The following TGIF1 variants were observed in gnomAD, a reference collection of about 807,000 sequenced individuals.
TGIF1 encodes the protein homeobox protein TGIF1.
TGIF1 carries 4 observed loss-of-function variants against 19.3 expected under a neutral mutation model. The observed-to-expected ratio is 0.21, with a 90% CI of 0.10 to 0.47. The LOEUF (loss-of-function observed/expected upper bound fraction) is 0.47. Among genes scored for constraint, TGIF1 ranks in the 20% least tolerant of loss-of-function variants. The pLI, the probability that TGIF1 is intolerant of heterozygous loss-of-function variation, is 0.98. For missense variants in TGIF1, 275 were observed against 341.4 expected, an observed-to-expected ratio of 0.81 and a Z score of 1.53; for synonymous variants, 122 against 129.3, an observed-to-expected ratio of 0.94 and a Z score of 0.38.
intron 2 of TGIF1, among the ~76,000 whole-genome samples, chr18:3,442,796 A>C (rs1474342405): frequency 6.6e-6 from 1 of 152,206 alleles, no homozygotes; most frequent in Non-Finnish European, 1.5e-5. Context: ...AAAATGACTA[A>C]TACATACACA....
At chr18:3,436,529 C>T (rs1255002742) in intron 2 of TGIF1, among the ~76,000 whole-genome samples, 1 of 152,160 alleles carries the variant, frequency 6.6e-6, no homozygotes, top group Non-Finnish European at 1.5e-5. Flanking sequence ...AAAAGAAGCC[C>T]TGAATGTAGC....
intron 2 of TGIF1, chr18:3,418,965 G>A (rs1284188938): frequency 1.3e-5 from 2 of 152,218 alleles, no homozygotes; most frequent in African/African-American, 4.8e-5. Context: ...GGCTGAGGCA[G>A]GAGAATCTCT....
Position 3,451,883 on chromosome 18 carries a change from C to T in TGIF1, c.16+1378C>T. 1.4e-6 allele frequency: 2 copies of T among 1,444,902 alleles called. No homozygotes were observed. Among genetic ancestry groups the T allele is most frequent in the Non-Finnish European group, 1.8e-6 (2 of 1,098,762 alleles). 89.5% of individuals were successfully genotyped at this position (1,444,902 alleles called of 1,614,324 possible). ...GGGCGTCCGAGACGCCCCGTGAAAGCCGTGCCGACCCTTGGGAGGACTGAC... is the reference window on the plus strand; with the variant it reads ...GGGCGTCCGAGACGCCCCGTGAAAGTCGTGCCGACCCTTGGGAGGACTGAC... On this transcript the variant is annotated intron_variant, in intron 1 of 2. Transcript: ENST00000343820. This position sits in a 1 kb window ranked among gnomAD's most constrained non-coding sequence, Gnocchi z 5.4.
At chr18:3,452,370 G>A (rs201233231) in intron 1 of TGIF1, 2 of 1,613,320 alleles carry the variant, frequency 1.2e-6, no homozygotes, top group Non-Finnish European at 1.7e-6. Context: ...CCGACTCCTG[G>A]AAACAATGAA....
intron 2 of TGIF1, among the ~76,000 whole-genome samples, chr18:3,423,660 A>G (rs1047073009): frequency 6.6e-6 from 1 of 151,840 alleles, no homozygotes; most frequent in Non-Finnish European, 1.5e-5. Context: ...TCCAGCCTGC[A>G]CAACAGAGCG....
At chr18:3,417,636 A>G (rs931115072) in intron 1 of TGIF1, among the ~76,000 whole-genome samples, 2 of 152,218 alleles carry the variant, frequency 1.3e-5, no homozygotes, top group Non-Finnish European at 2.9e-5. Context: ...AAATTTAGCT[A>G]CCTATTCGTG....
chr18:3,416,295 G>A (rs1160312273), intron 1 of TGIF1, among the ~76,000 whole-genome samples: 1 of 151,674 alleles, frequency 6.6e-6, no homozygotes, highest in African/African-American at 2.4e-5. Context: ...CAAGGTAGGT[G>A]GATTGCCTGA....
At chr18:3,450,677 C>T (rs1048877693) in intron 1 of TGIF1, among the ~76,000 whole-genome samples, 172 bp downstream of exon 1, 1 of 152,286 alleles carries the variant, frequency 6.6e-6, no homozygotes, top group South Asian at 2.1e-4. Context: ...CGGCTGTTTT[C>T]CTGCTAGACA....
At chr18:3,422,969 G>A (rs577005954) in intron 2 of TGIF1, among the ~76,000 whole-genome samples, 3 of 152,052 alleles carry the variant, frequency 2.0e-5, no homozygotes, top group Non-Finnish European at 2.9e-5. Context: ...GATTGTAGGC[G>A]TGAGCCACCG....
In TGIF1 at chr18:3,456,360, T is replaced by C. The variant is rs1280128349; in HGVS notation, c.23T>C (p.Val8Ala). The C allele has an allele frequency of 6.2e-7, 1 of 1,614,202 alleles. No homozygotes were observed. Among genetic ancestry groups the C allele is most frequent in the South Asian group, 1.1e-5 (1 of 91,084 alleles). ...GGCCCTTGTCCTTTCCTAGGTATTG[T>C]TGCAGCATCTGGCAGTGAGACTGAG... MKGKKGI[V>A]AASGSETEDE... The change falls in exon 2 of 3, where the codon GTT becomes GCT. Residue 8 changes from valine (V) to alanine (A), a missense_variant. By Grantham distance (64) the Val-to-Ala change is moderately conservative (BLOSUM62 0). Transcript: ENST00000343820. This position sits in a 1 kb window ranked among gnomAD's most constrained non-coding sequence, Gnocchi z 4.2.
Position 3,459,454 on chromosome 18 carries a change from A to G in TGIF1, c.*1514A>G, listed in dbSNP as rs1432055912. The G allele has an allele frequency of 3.3e-5, 5 of 152,334 alleles. No individual in the cohort carries two copies. Among genetic ancestry groups the G allele is most frequent in the Admixed American group, 2.0e-4 (3 of 15,298 alleles). 9.4% of individuals were successfully genotyped at this position (152,334 alleles called of 1,614,324 possible). A position where few individuals can be genotyped will look rare whatever the true frequency, so the allele number is the denominator to read the frequency against. On this transcript the variant is annotated 3_prime_UTR_variant, in exon 3 of 3. Transcript: ENST00000343820. ...TGTGGGGTGCAGCTTCGTAGGGCAC[A>G]TCAGCTTAGAATGGTCTGGCCTCAC...
intron 1 of TGIF1, among the ~76,000 whole-genome samples, chr18:3,452,678 T>C (rs890306616): frequency 6.6e-6 from 1 of 152,118 alleles, no homozygotes; most frequent in Non-Finnish European, 1.5e-5. Context: ...CCTCTCCCCG[T>C]GCTCCTCCGC....
chr18:3,450,768 G>A (rs1436509515), intron 1 of TGIF1, among the ~76,000 whole-genome samples: 2 of 152,332 alleles, frequency 1.3e-5, no homozygotes, highest in Non-Finnish European at 2.9e-5. Flanking sequence ...CCTTGTTTGT[G>A]CGCCTGCAAG....
In TGIF1 at chr18:3,456,873, A is replaced by G. The variant is rs1261736518; in HGVS notation, c.243+293A>G. 12 of 603,730 alleles carry G rather than the reference A, an allele frequency of 2.0e-5. No homozygotes were observed. In the East Asian group the frequency reaches 2.7e-4, roughly 14 times the overall value. 37.4% of individuals were successfully genotyped at this position (603,730 alleles called of 1,614,324 possible). On this transcript the variant is annotated intron_variant, in intron 2 of 2. Coordinates refer to ENST00000343820, the MANE Select transcript of TGIF1 (RefSeq NM_003244.4). The surrounding 1 kb of genome is among the most constrained non-coding windows in gnomAD (Gnocchi z 4.2). Reference sequence around the variant, plus strand: ...CTCTATTGTCCAGGAAACTGGTTTGATATTTAAACAAGGACGACTTCAGTG... The same window carrying G: ...CTCTATTGTCCAGGAAACTGGTTTGGTATTTAAACAAGGACGACTTCAGTG...
chr18:3,437,807 G>C (rs1168859492), intron 2 of TGIF1, among the ~76,000 whole-genome samples: 3 of 152,184 alleles, frequency 2.0e-5, no homozygotes, highest in Non-Finnish European at 4.4e-5. Flanking sequence ...CAAGTGGCCG[G>C]GCACGGTGGC....
upstream of TGIF1, chr18:3,449,413 AG>A: frequency 1.0e-6 from 1 of 985,366 alleles, no homozygotes; most frequent in African/African-American, 1.7e-5. Flanking sequence ...ACGTTTAAAG[AG>A]CATGTGAGCG....
Position 3,458,432 on chromosome 18 carries a change from T to G in TGIF1, c.*492T>G, listed in dbSNP as rs1364896617. ...AAAAATTGTTGTAATTCAGAGTATTTCTGTTGAGGGAGGTGCTTCTTAAAA... is the reference window on the plus strand; with the variant it reads ...AAAAATTGTTGTAATTCAGAGTATTGCTGTTGAGGGAGGTGCTTCTTAAAA... On this transcript the variant is annotated 3_prime_UTR_variant, in exon 3 of 3. Transcript: ENST00000343820. 1 of 168,700 alleles carries G rather than the reference T, an allele frequency of 5.9e-6. No individual in the cohort carries two copies. Among genetic ancestry groups the G allele is most frequent in the Non-Finnish European group, 1.3e-5 (1 of 78,522 alleles). The allele number at this position is 168,700 out of a possible 1,614,324, so 10.5% of individuals were successfully genotyped here. A position where few individuals can be genotyped will look rare whatever the true frequency, so the allele number is the denominator to read the frequency against.
intron 2 of TGIF1, among the ~76,000 whole-genome samples, chr18:3,427,360 CG>C: frequency 6.6e-6 from 1 of 151,518 alleles, no homozygotes; most frequent in East Asian, 1.9e-4. Flanking sequence ...GGCACAATTT[CG>C]GGACACTGCA....
At chr18:3,454,476 T>C (rs1261795875) in intron 1 of TGIF1, among the ~76,000 whole-genome samples, 3 of 149,730 alleles carry the variant, frequency 2.0e-5, no homozygotes, top group Admixed American at 6.7e-5. Context: ...TTTGCTTTAG[T>C]CATTTAATTA....
Sources: gnomAD v4.1 joint callset for allele counts (sites outside exome capture counted in the v4.1 genomes callset) on GRCh38, gnomAD v4.1.1 for gene constraint, Gnocchi (gnomAD v3.1) non-coding constraint, MANE v1.5 for transcripts, NCBI Gene and HGNC (gene_info 2026-07-23, HGNC 2026-07-21) for gene names.